SCRIB: variants seen among roughly 807,000 people sequenced by gnomAD.
SCRIB encodes the protein protein scribble homolog.
SCRIB carries 72 observed loss-of-function variants against 170.0 expected under a neutral mutation model. That is an observed-to-expected ratio of 0.42 (90% confidence interval 0.35 to 0.52). The LOEUF is 0.52. Ranked by LOEUF, SCRIB falls within the 20% of genes least tolerant of loss-of-function variation. The pLI is 0.02. For synonymous variants in SCRIB, 1,298 were observed against 1,044.3 expected (o/e 1.24, Z -4.68); for missense variants, 2,475 against 2,338.5 (o/e 1.06, Z -1.20).
intron 15 of SCRIB, 111 bp from the exon 16 acceptor site, chr8:143,807,725 C>T: frequency 1.2e-6 from 1 of 868,004 alleles, no homozygotes. Flanking sequence ...CCACAGCAAG[C>T]TCCCTCGACT....
Position 143,805,195 on chromosome 8 carries a change from C to A in SCRIB, c.2587G>T (p.Ala863Ser). Residue 863 changes from alanine to serine, a missense_variant, in exon 19 of 37, where the codon GCC becomes TCC. Ala to Ser is a moderately conservative substitution (Grantham distance 99). Transcript: ENST00000356994. ...SPGPLRQRHV[A>S]CLARSERGLG... ...CCCCTCTCGCTGCGTGCCAGGCAGGCCACGTGGCGCTGACGGAGGGGCCCG... is the reference window on the plus strand; with the variant it reads ...CCCCTCTCGCTGCGTGCCAGGCAGGACACGTGGCGCTGACGGAGGGGCCCG... 6.4e-7 allele frequency: 1 copy of A among 1,572,458 alleles called. No individual in the cohort carries two copies.
At position 143,803,878 on chromosome 8, in the gene SCRIB, C is replaced by G; in HGVS notation, c.3183G>C (p.Val1061=). The G allele has an allele frequency of 6.3e-7, 1 of 1,598,658 alleles. No individual in the cohort carries two copies. Among genetic ancestry groups the G allele is most frequent in the Non-Finnish European group, 8.5e-7 (1 of 1,173,452 alleles). ...GLRVGDRILA[V]NGQDVRDATH... Reference sequence around the variant, plus strand: ...TGGCATCCCGCACGTCTTGCCCGTTCACTGCCAGGATGCGGTCCCCAACCC... The same window carrying G: ...TGGCATCCCGCACGTCTTGCCCGTTGACTGCCAGGATGCGGTCCCCAACCC... Residue 1061 remains valine (V), a synonymous_variant, in exon 23 of 37, where the codon GTG becomes GTC. Coordinates refer to ENST00000356994, the MANE Select transcript of SCRIB (RefSeq NM_182706.5).
chr8:143,797,864 G>A (rs1469986311), intron 24 of SCRIB, among the ~76,000 whole-genome samples: 2 of 152,252 alleles, frequency 1.3e-5, no homozygotes, highest in African/African-American at 4.8e-5. Context: ...CGTCCCCGGC[G>A]CAGTGGGTGA....
In SCRIB at chr8:143,810,535, G is replaced by A. The variant is rs1028275538; in HGVS notation, c.1474C>T (p.Arg492Trp). The A allele has an allele frequency of 6.2e-6, 10 of 1,613,014 alleles. No homozygotes were observed. The highest frequency in any genetic ancestry group is 4.5e-5 in the East Asian group (2 of 44,888). The change falls in exon 13 of 37, where the codon CGG (arginine) becomes TGG (tryptophan). Residue 492 changes from arginine (R) to tryptophan (W), a missense_variant. Transcript: ENST00000356994. ...KVMKRSIEGRRSEACPCQPDS... is the reference protein window; with the variant it reads ...KVMKRSIEGRWSEACPCQPDS... ...GGCTGGCAAGGGCAGGCCTCGCTCCGCCGCCCCTCGATGCTCCTCTTCATC... is the reference window on the plus strand; with the variant it reads ...GGCTGGCAAGGGCAGGCCTCGCTCCACCGCCCCTCGATGCTCCTCTTCATC...
chr8:143,796,201 G>A (rs369312117), intron 24 of SCRIB, among the ~76,000 whole-genome samples: 81 of 152,288 alleles, frequency 5.3e-4, no homozygotes, highest in Non-Finnish European at 8.7e-4. Flanking sequence ...GGGTTAACAC[G>A]GGCAGAGGGA....
chr8:143,809,153 C>T (rs1815584605), intron 14 of SCRIB, 128 bp from the exon 15 acceptor site: 2 of 1,271,310 alleles, frequency 1.6e-6, no homozygotes, highest in Non-Finnish European at 2.1e-6. Flanking sequence ...TCAGCACTAA[C>T]TGCCCAGTGA....
At position 143,810,604 on chromosome 8, in the gene SCRIB, C is replaced by T. The variant is rs201730848; in HGVS notation, c.1405G>A (p.Gly469Ser). ...DAEEAAAEKR[G>S]LQRRATPHPS... ...TGAGGTGTGGCCCGGCGCTGTAGGC[C>T]CTGTTGTAGGGACAAGGATGAGCAG... The change falls in exon 13 of 37, where the codon GGC becomes AGC. Residue 469 changes from glycine (G) to serine (S), a missense_variant and splice_region_variant. By Grantham distance (56) the Gly-to-Ser change is moderately conservative (BLOSUM62 0). This residue lies in a region of SCRIB where 1,966 missense variants were observed against 1,742.9 expected (regional missense o/e 1.13). Coordinates refer to ENST00000356994, the MANE Select transcript of SCRIB (RefSeq NM_182706.5). 132 of 1,613,174 alleles carry T rather than the reference C, an allele frequency of 8.2e-5. No individual in the cohort carries two copies. The Middle Eastern group carries it at 4.6e-3, about 56-fold the overall frequency.
rs533857520 is a variant in SCRIB at position 143,813,845 on chromosome 8, G to A, written c.329C>T (p.Ala110Val). The stretch of plus-strand genomic sequence containing the variant: ...GGAGAGGGGGTTCCCGCTGAAGTCC[G>A]CGATCTCCAGAGCCTTGCAGAACTT... ...SIKFCKALEI[A>V]DFSGNPLSRL... Residue 110 changes from alanine to valine, a missense_variant, in exon 3 of 37, where the codon GCG becomes GTG. Ala to Val is a moderately conservative substitution (Grantham distance 64). Coordinates refer to ENST00000356994, the MANE Select transcript of SCRIB (RefSeq NM_182706.5). 13 of 1,609,724 alleles carry A rather than the reference G, an allele frequency of 8.1e-6. No homozygotes were observed. Among genetic ancestry groups the A allele is most frequent in the African/African-American group, 2.7e-5 (2 of 75,010 alleles).
At position 143,811,091 on chromosome 8, in the gene SCRIB, C is replaced by G. The variant is rs754241181; in HGVS notation, c.1107-19G>C. 38 of 1,608,310 alleles carry G rather than the reference C, an allele frequency of 2.4e-5. No individual in the cohort carries two copies. Among genetic ancestry groups the G allele is most frequent in the Non-Finnish European group, 3.1e-5 (37 of 1,177,944 alleles). ...CTGCAGGCTGCGGGCCGGGCGGGCA[C>G]AGTCAGCAGGCGTTGGGGCCACGGT... On this transcript the variant is annotated intron_variant, in intron 10 of 36. Transcript: ENST00000356994.
rs1563805223 is a variant in SCRIB, at chr8:143,810,825, G to A, written c.1274-9C>T. 1 of 1,601,714 alleles carries A rather than the reference G, an allele frequency of 6.2e-7. No individual in the cohort carries two copies. Among genetic ancestry groups the A allele is most frequent in the South Asian group, 1.1e-5 (1 of 90,760 alleles). The stretch of plus-strand genomic sequence containing the variant: ...CTGCTGCCCAGCATCCTCTGCAGCA[G>A]GTGAGCGTCAGGACCCAGGCTAGTC... On this transcript the variant is annotated splice_polypyrimidine_tract_variant and intron_variant, in intron 11 of 36. Coordinates refer to ENST00000356994, the MANE Select transcript of SCRIB (RefSeq NM_182706.5).
At chr8:143,811,945 G>A (rs1039837401) in intron 9 of SCRIB, among the ~76,000 whole-genome samples, 1 of 152,144 alleles carries the variant, frequency 6.6e-6, no homozygotes, top group Non-Finnish European at 1.5e-5. Context: ...GGAGCAGCCT[G>A]CTCTCCATCT....
Position 143,803,410 on chromosome 8 carries a change from A to T in SCRIB, c.3576T>A (p.Phe1192Leu), listed in dbSNP as rs13281371. 2.5e-6 allele frequency: 4 copies of T among 1,586,582 alleles called. No individual in the cohort carries two copies. The highest frequency in any genetic ancestry group is 1.1e-5 in the South Asian group (1 of 89,672). ...DTLTVLVCDG[F>L]EASTDAALEV... ...CCAGGGCTGCGTCGGTGCTGGCCTC[A>T]AAGCCGTCACAGACCAGCACGGTGA... Residue 1192 changes from phenylalanine (F) to leucine (L), a missense_variant, in exon 24 of 37, where the codon TTT becomes TTA. This residue lies in a region of SCRIB where 1,966 missense variants were observed against 1,742.9 expected (regional missense o/e 1.13). Transcript: ENST00000356994.
At chr8:143,801,588 T>C (rs782090769) in intron 24 of SCRIB, among the ~76,000 whole-genome samples, 3 of 152,152 alleles carry the variant, frequency 2.0e-5, no homozygotes, top group Non-Finnish European at 4.4e-5. Context: ...AACACACCTG[T>C]ACCCACAGAA....
At position 143,812,302 on chromosome 8, in the gene SCRIB, G is replaced by A. The variant is rs1467494138; in HGVS notation, c.870C>T (p.Asn290=). ...EVTEAIGDCE[N]LSELILTENL... ...TCTCCGTGAGGATCAGCTCAGAGAG[G>A]TTCTCACAGTCCCCGATGGCCTCGG... Residue 290 remains asparagine, a synonymous_variant, in exon 9 of 37, where the codon AAC becomes AAT. Transcript: ENST00000356994. 14 of 1,613,024 alleles carry A rather than the reference G, an allele frequency of 8.7e-6. No individual in the cohort carries two copies. Among genetic ancestry groups the A allele is most frequent in the Non-Finnish European group, 1.1e-5 (13 of 1,179,234 alleles).
Position 143,810,624 on chromosome 8 carries a change from G to A in SCRIB, c.1405-20C>T. 3 of 1,608,980 alleles carry A rather than the reference G, an allele frequency of 1.9e-6. No homozygotes were observed. The highest frequency in any genetic ancestry group is 1.1e-5 in the South Asian group (1 of 90,986). ...TAGGCCCTGTTGTAGGGACAAGGAT[G>A]AGCAGCAGCCACAGGGCAGGGGTCA... On this transcript the variant is annotated intron_variant, in intron 12 of 36. Transcript: ENST00000356994.
At position 143,808,968 on chromosome 8, in the gene SCRIB, C is replaced by T. The variant is rs368101001; in HGVS notation, c.1756G>A (p.Glu586Lys). Residue 586 changes from glutamate to lysine, a missense_variant, in exon 15 of 37, where the codon GAG becomes AAG. Physicochemically the swap from Glu to Lys is moderately conservative, Grantham distance 56. Around this residue, in one of 3 missense-constraint regions of SCRIB, gnomAD observed 1,966 missense variants for 1,742.9 expected, o/e 1.13. Coordinates refer to ENST00000356994, the MANE Select transcript of SCRIB (RefSeq NM_182706.5). The part of the protein sequence containing the change: ...LLPGDDREIE[E>K]GQPEAPWTLP... ...GTCCAGGGGGCCTCAGGCTGCCCCTCCTCGATCTCCCTGTCATCCCCGGGC... is the reference window on the plus strand; with the variant it reads ...GTCCAGGGGGCCTCAGGCTGCCCCTTCTCGATCTCCCTGTCATCCCCGGGC... 8.1e-6 allele frequency: 13 copies of T among 1,613,142 alleles called. No homozygotes were observed. The African/African-American group carries it at 1.6e-4, about 20-fold the overall frequency.
intron 24 of SCRIB, among the ~76,000 whole-genome samples, chr8:143,799,086 G>A (rs1815065869): frequency 6.6e-6 from 1 of 152,212 alleles, no homozygotes; most frequent in Non-Finnish European, 1.5e-5. Context: ...ACCTTTGGAA[G>A]ATTCCAGGGC....
intron 24 of SCRIB, among the ~76,000 whole-genome samples, chr8:143,803,054 ACTCTG>A (rs1815238594): frequency 6.6e-6 from 1 of 151,984 alleles, no homozygotes; most frequent in African/African-American, 2.4e-5. Context: ...GCCTGATGGG[ACTCTG>A]CAGGAGTCAC....
At position 143,812,457 on chromosome 8, in the gene SCRIB, G is replaced by A. The variant is rs142641357; in HGVS notation, c.788-73C>T. On this transcript the variant is annotated intron_variant, in intron 8 of 36. Coordinates refer to ENST00000356994, the MANE Select transcript of SCRIB (RefSeq NM_182706.5). The stretch of plus-strand genomic sequence containing the variant: ...GTGCCTTACCCACCTGGCCAGAAGC[G>A]CCCTCAAGGCAGACAGCAAGGCCCC... 29 of 1,165,046 alleles carry A rather than the reference G, an allele frequency of 2.5e-5. No homozygotes were observed. In the African/African-American group the frequency reaches 2.6e-4, roughly 10 times the overall value. The allele number at this position is 1,165,046 out of a possible 1,614,324, so 72.2% of individuals were successfully genotyped here. A position where few individuals can be genotyped will look rare whatever the true frequency, so the allele number is the denominator to read the frequency against.
Sources: gnomAD v4.1 joint callset for allele counts (sites outside exome capture counted in the v4.1 genomes callset) on GRCh38, gnomAD v4.1.1 for gene constraint, gnomAD v4.1.1 regional missense constraint, MANE v1.5 for transcripts, NCBI Gene and HGNC (gene_info 2026-07-23, HGNC 2026-07-21) for gene names.